Variants in LOC400499 observed in about 807,000 individuals in gnomAD.
At chr16:11,508,274 C>G in the LOC400499 span, among the ~76,000 whole-genome samples, 1 of 152,180 alleles carries the variant, frequency 6.6e-6, no homozygotes, top group Non-Finnish European at 1.5e-5. Context: ...TGATCACCAA[C>G]GAAGGAACTG....
the LOC400499 span, among the ~76,000 whole-genome samples, chr16:11,385,685 A>G: frequency 6.6e-6 from 1 of 152,252 alleles, no homozygotes; most frequent in African/African-American, 2.4e-5. Context: ...GCTAAGTAAA[A>G]AAGCCTGGCT....
chr16:11,465,885 G>A, the LOC400499 span, among the ~76,000 whole-genome samples: 1 of 150,938 alleles, frequency 6.6e-6, no homozygotes, highest in East Asian at 1.9e-4. Flanking sequence ...GGAAAGACAG[G>A]GCGAGAAAGG....
At chr16:11,412,054 G>T in the LOC400499 span, among the ~76,000 whole-genome samples, 229 of 152,100 alleles carry the variant, frequency 1.5e-3, no homozygotes, top group African/African-American at 5.1e-3. Flanking sequence ...TGTAGCGATG[G>T]GGATCTCACT....
At chr16:11,446,417 T>TGC in the LOC400499 span, 1 of 790,702 alleles carries the variant, frequency 1.3e-6, no homozygotes, top group Non-Finnish European at 2.0e-6. Flanking sequence ...CTCAGCCTCC[T>TGC]GCGTAGCTAA....
chr16:11,523,344 T>TC, the LOC400499 span: 4 of 398,434 alleles, frequency 1.0e-5, no homozygotes, highest in Non-Finnish European at 1.8e-5. Context: ...ACAGCTTCAC[T>TC]CCCATTGGGC....
At chr16:11,495,783 G>A in the LOC400499 span, among the ~76,000 whole-genome samples, 5 of 152,176 alleles carry the variant, frequency 3.3e-5, no homozygotes, top group Non-Finnish European at 7.3e-5. Flanking sequence ...TTGCAGAGCA[G>A]GAAGCTGAGA....
the LOC400499 span, among the ~76,000 whole-genome samples, chr16:11,473,809 GCAAA>G: frequency 2.6e-5 from 4 of 152,002 alleles, no homozygotes; most frequent in Admixed American, 2.6e-4. Flanking sequence ...CCAGGAGCCA[GCAAA>G]CATTCTTCGT....
chr16:11,454,173 T>C, the LOC400499 span, among the ~76,000 whole-genome samples: 1 of 152,208 alleles, frequency 6.6e-6, no homozygotes, highest in Non-Finnish European at 1.5e-5. Context: ...TTCAAAACAA[T>C]GGAGCAATGC....
chr16:11,385,073 C>G, the LOC400499 span: 1 of 1,232,190 alleles, frequency 8.1e-7, no homozygotes, highest in Non-Finnish European at 1.0e-6. Flanking sequence ...GGCCTGTGGG[C>G]CAGAGGGGGC....
At chr16:11,398,821 A>T in the LOC400499 span, among the ~76,000 whole-genome samples, 2 of 151,740 alleles carry the variant, frequency 1.3e-5, no homozygotes, top group African/African-American at 4.8e-5. Flanking sequence ...CACCACGCCC[A>T]GTTTTTTTTT....
At chr16:11,488,362 A>C in the LOC400499 span, among the ~76,000 whole-genome samples, 1 of 152,314 alleles carries the variant, frequency 6.6e-6, no homozygotes, top group East Asian at 1.9e-4. Flanking sequence ...AGGTGCTATG[A>C]AAATATTCCA....
chr16:11,420,923 C>T, the LOC400499 span, among the ~76,000 whole-genome samples: 1 of 152,210 alleles, frequency 6.6e-6, no homozygotes, highest in African/African-American at 2.4e-5. Flanking sequence ...GTCTGCTGGG[C>T]TCTGATCATG....
At chr16:11,491,654 G>GC in the LOC400499 span, 2 of 269,404 alleles carry the variant, frequency 7.4e-6, no homozygotes, top group Non-Finnish European at 6.9e-6. Flanking sequence ...TGCCCTCCCA[G>GC]CCCCACCCCT....
chr16:11,519,766 C>T, the LOC400499 span, among the ~76,000 whole-genome samples: 1 of 149,842 alleles, frequency 6.7e-6, no homozygotes, highest in Non-Finnish European at 1.5e-5. Context: ...AGTGCAATGG[C>T]GCGATCTTGG....
chr16:11,384,069 C>G, the LOC400499 span: 55 of 1,231,390 alleles, frequency 4.5e-5, no homozygotes, highest in African/African-American at 1.2e-4. Context: ...CCCGCGTACA[C>G]TGGCCTCAGC....
chr16:11,387,266 A>T, the LOC400499 span: 2 of 1,232,260 alleles, frequency 1.6e-6, no homozygotes, highest in Non-Finnish European at 2.0e-6. Context: ...CGCAGGCAAC[A>T]GTGGCAGCAT....
chr16:11,464,085 C>T, the LOC400499 span, among the ~76,000 whole-genome samples: 8 of 151,944 alleles, frequency 5.3e-5, no homozygotes, highest in Non-Finnish European at 8.8e-5. Context: ...TGTGTATATA[C>T]GAATGTATGT....
chr16:11,437,206 G>A, the LOC400499 span, among the ~76,000 whole-genome samples: 1 of 152,172 alleles, frequency 6.6e-6, no homozygotes, highest in Non-Finnish European at 1.5e-5. Context: ...TTTTAGGGCA[G>A]GGAAACTGTT....
At chr16:11,457,986 G>T in the LOC400499 span, among the ~76,000 whole-genome samples, 5 of 152,232 alleles carry the variant, frequency 3.3e-5, no homozygotes, top group Non-Finnish European at 7.3e-5. Flanking sequence ...TGGATCACCT[G>T]GGTTCAGGAG....
Sources: allele counts gnomAD v4.1 joint callset (sites outside exome capture counted in the v4.1 genomes callset), GRCh38; gene constraint gnomAD v4.1.1; transcripts MANE v1.5.